Variants in STIL observed in about 807,000 individuals in gnomAD.
STIL encodes STIL centriolar assembly protein.
A neutral mutation model predicts 110.1 loss-of-function variants in STIL; 55 were observed. The observed-to-expected ratio is 0.50, with a 90% CI of 0.40 to 0.63. STIL has a LOEUF of 0.63. Among genes scored for constraint, STIL ranks in the 20% least tolerant of loss-of-function variants. The probability of loss-of-function intolerance (pLI) is 0.00; values close to 1 mark genes in which losing one functional copy is unlikely to be tolerated. For missense variants in STIL, 1,358 were observed against 1,530.0 expected, an observed-to-expected ratio of 0.89 and a Z score of 1.87; for synonymous variants, 481 against 530.0, an observed-to-expected ratio of 0.91 and a Z score of 1.27.
rs1644791949 is a variant in STIL at position 47,270,251 on chromosome 1, TATATACACACACAC to T, written c.2384-399_2384-386del. 5.0e-4 allele frequency among the ~76,000 whole-genome samples: 60 copies of T among 119,214 alleles called. 1 individual carries two copies. The South Asian group carries it at 0.016, about 32-fold the overall frequency. 78.2% of individuals were successfully genotyped at this position (119,214 alleles called of 152,430 possible). ...TCAAAAAAAAAAAAAAATATATATA[TATATACACACACAC>T]ACACACACACACACACACACACACA... is the stretch of plus-strand genomic sequence containing the variant. On this transcript the variant is annotated intron_variant, in intron 13 of 16. Transcript: ENST00000371877.
At chr1:47,311,370 C>T (rs56804458) in intron 1 of STIL, among the ~76,000 whole-genome samples, 40,765 of 150,788 alleles carry the variant, frequency 0.27, 5,802 homozygotes, top group Non-Finnish European at 0.32. Context: ...CTGCAACCTC[C>T]ACCACCTGAG....
chr1:47,287,656 A>C lies in STIL; in HGVS notation c.1028T>G (p.Val343Gly), dbSNP rs751053907. ...SKETLHLFKN[V>G]EPPDKNPIRC... Reference sequence around the variant, plus strand: ...GATTGGATTTTTGTCAGGAGGTTCAACATTCTGAAATGAAGTAGGTCATAT... The same window carrying C: ...GATTGGATTTTTGTCAGGAGGTTCACCATTCTGAAATGAAGTAGGTCATAT... Residue 343 changes from valine to glycine, a missense_variant, in exon 10 of 17, where the codon GTT becomes GGT. By Grantham distance (109) the Val-to-Gly change is moderately radical (BLOSUM62 -3). Coordinates refer to ENST00000371877, the MANE Select transcript of STIL (RefSeq NM_001048166.1). 6.2e-7 allele frequency: 1 copy of C among 1,612,610 alleles called. No individual in the cohort carries two copies. The highest frequency in any genetic ancestry group is 1.1e-5 in the South Asian group (1 of 91,016).
intron 14 of STIL, among the ~76,000 whole-genome samples, chr1:47,267,823 C>A (rs144806009): frequency 0.047 from 7,176 of 152,012 alleles, 563 homozygotes; most frequent in African/African-American, 0.16. Flanking sequence ...AATTCTCCTG[C>A]CTCAGCCTCC....
intron 1 of STIL, among the ~76,000 whole-genome samples, chr1:47,310,765 C>A (rs1646099481): frequency 6.6e-6 from 1 of 152,058 alleles, no homozygotes; most frequent in East Asian, 1.9e-4. Context: ...TATTTGGGGC[C>A]TATAATGAAG....
intron 10 of STIL, chr1:47,282,715 C>T (rs533215267): frequency 1.9e-4 from 77 of 410,616 alleles, no homozygotes; most frequent in African/African-American, 1.3e-3. Context: ...CACAATAAAT[C>T]AAGTCACTGG....
chr1:47,289,183 A>G (rs1645403944), intron 9 of STIL, among the ~76,000 whole-genome samples: 1 of 152,094 alleles, frequency 6.6e-6, no homozygotes, highest in African/African-American at 2.4e-5. Flanking sequence ...AAGATTTTAG[A>G]AAAACATGGG....
intron 2 of STIL, among the ~76,000 whole-genome samples, chr1:47,309,283 C>G (rs1171223098): frequency 6.6e-6 from 1 of 151,586 alleles, no homozygotes; most frequent in Non-Finnish European, 1.5e-5. Flanking sequence ...ACAACTGTAC[C>G]CTTCTAAGAA....
At chr1:47,267,359 G>A (rs1383748296) in intron 14 of STIL, among the ~76,000 whole-genome samples, 4 of 152,222 alleles carry the variant, frequency 2.6e-5, no homozygotes, top group South Asian at 2.1e-4. Context: ...GTGGTAGCAC[G>A]TACCAGAAAC....
At position 47,302,362 on chromosome 1, in the gene STIL, T is replaced by G. The variant is rs754852850; in HGVS notation, c.153-16A>C. On this transcript the variant is annotated splice_polypyrimidine_tract_variant and intron_variant, in intron 3 of 16. Transcript: ENST00000371877. Reference sequence around the variant, plus strand: ...CTTTGGATTTCTGAAAAACAACAAGTCTTTTATGAATATGGTAGACCTCAT... The same window carrying G: ...CTTTGGATTTCTGAAAAACAACAAGGCTTTTATGAATATGGTAGACCTCAT... 1 of 1,591,420 alleles carries G rather than the reference T, an allele frequency of 6.3e-7. No individual in the cohort carries two copies. The highest frequency in any genetic ancestry group is 8.6e-7 in the Non-Finnish European group (1 of 1,159,458).
intron 6 of STIL, 89 bp downstream of exon 6, chr1:47,299,816 A>C: frequency 7.2e-7 from 1 of 1,380,952 alleles, no homozygotes; most frequent in Non-Finnish European, 1.0e-6. Context: ...CTGGCATATA[A>C]ATTGACTGGA....
intron 10 of STIL, among the ~76,000 whole-genome samples, chr1:47,286,236 AGTC>A (rs1645294885): frequency 6.6e-6 from 1 of 151,730 alleles, no homozygotes; most frequent in African/African-American, 2.4e-5. Context: ...TCTGAACTAT[AGTC>A]TGCTCCACAT....
chr1:47,294,917 C>A (rs1371934294), intron 7 of STIL, among the ~76,000 whole-genome samples: 2 of 151,718 alleles, frequency 1.3e-5, no homozygotes, highest in Non-Finnish European at 2.9e-5. Context: ...GAGAATTCAA[C>A]TTATATTTTT....
At chr1:47,286,788 A>T (rs1645313759) in intron 10 of STIL, among the ~76,000 whole-genome samples, 1 of 152,198 alleles carries the variant, frequency 6.6e-6, no homozygotes, top group Non-Finnish European at 1.5e-5. Context: ...TGTTTTAAAA[A>T]CACTGGGTGA....
At chr1:47,270,238 AAAAATATAT>A (rs1351161368) in intron 13 of STIL, among the ~76,000 whole-genome samples, 17 of 123,070 alleles carry the variant, frequency 1.4e-4, no homozygotes, top group Non-Finnish European at 1.9e-4. Context: ...AAAAAAAAAA[AAAAATATAT>A]ATATATATAC....
chr1:47,297,211 G>A lies in STIL; in HGVS notation c.702-1363C>T, dbSNP rs535441893. 2.8e-4 allele frequency among the ~76,000 whole-genome samples: 43 copies of A among 151,718 alleles called. No homozygotes were observed. In the East Asian group the frequency reaches 8.0e-3, roughly 28 times the overall value. ...ACAAAAATTAGCCAGGCATGGTGAC[G>A]GGCGCCTGTAATCCCAGCTACTTGG... On this transcript the variant is annotated intron_variant, in intron 6 of 16. Coordinates refer to ENST00000371877, the MANE Select transcript of STIL (RefSeq NM_001048166.1).
chr1:47,302,024 C>T (rs1375923679), intron 4 of STIL, among the ~76,000 whole-genome samples: 4 of 152,102 alleles, frequency 2.6e-5, no homozygotes, highest in African/African-American at 7.2e-5. Flanking sequence ...AGAAAATTAG[C>T]GCAAAGCAAA....
intron 10 of STIL, among the ~76,000 whole-genome samples, chr1:47,285,878 G>A (rs1645283505): frequency 1.3e-5 from 2 of 150,990 alleles, no homozygotes; most frequent in Non-Finnish European, 3.0e-5. Flanking sequence ...TTTTTTTTAG[G>A]TAGGAGTTTG....
chr1:47,275,240 TAA>T lies in STIL; in HGVS notation c.2218-3001_2218-3000del, dbSNP rs78773079. Among the ~76,000 whole-genome samples the T allele has an allele frequency of 1.3e-4, 19 of 146,910 alleles. No homozygotes were observed. In the East Asian group the frequency reaches 1.4e-3, roughly 11 times the overall value. On this transcript the variant is annotated intron_variant, in intron 12 of 16. Coordinates refer to ENST00000371877, the MANE Select transcript of STIL (RefSeq NM_001048166.1). ...AATATGTGAGTCCAGTCATCTGATT[TAA>T]AAAAAAAAACTTACTTAAATAAAAA... is the stretch of plus-strand genomic sequence containing the variant.
At chr1:47,311,552 G>A (rs1646127204) in intron 1 of STIL, among the ~76,000 whole-genome samples, 1 of 152,170 alleles carries the variant, frequency 6.6e-6, no homozygotes, top group Middle Eastern at 3.4e-3. Flanking sequence ...CTCAAAAAGT[G>A]CTGGGATTAC....
Sources: gnomAD v4.1 joint callset for allele counts (sites outside exome capture counted in the v4.1 genomes callset) on GRCh38, gnomAD v4.1.1 for gene constraint, MANE v1.5 for transcripts, NCBI Gene and HGNC (gene_info 2026-07-23, HGNC 2026-07-21) for gene names.